CSMD1: variants seen among roughly 807,000 people sequenced by gnomAD.
CSMD1 encodes CUB and sushi domain-containing protein 1.
CSMD1 carries 213 observed loss-of-function variants against 417.5 expected under a neutral mutation model. The ratio of observed to expected loss-of-function variants is 0.51; its 90% CI spans 0.46 to 0.57. The LOEUF is 0.57. Ranked by LOEUF, CSMD1 falls within the 20% of genes least tolerant of loss-of-function variation. The probability of loss-of-function intolerance (pLI) is 0.00; values close to 1 mark genes in which losing one functional copy is unlikely to be tolerated. For missense variants in CSMD1, 6,923 were observed against 4,529.7 expected, an observed-to-expected ratio of 1.53 and a Z score of -15.17; for synonymous variants, 2,862 against 1,736.8, an observed-to-expected ratio of 1.65 and a Z score of -16.11.
At chr8:3,383,086 A>G (rs1810740911) in intron 18 of CSMD1, among the ~76,000 whole-genome samples, 1 of 119,874 alleles carries the variant, frequency 8.3e-6, no homozygotes, top group Non-Finnish European at 1.8e-5. Flanking sequence ...TCTGGACACT[A>G]CATCGTTCCT....
chr8:3,193,015 T>G (rs1796509117), intron 33 of CSMD1, among the ~76,000 whole-genome samples: 1 of 152,304 alleles, frequency 6.6e-6, no homozygotes, highest in South Asian at 2.1e-4. Context: ...TATTGCCAGT[T>G]TTTCTACTTA....
intron 3 of CSMD1, among the ~76,000 whole-genome samples, chr8:4,272,798 C>G (rs10503245): frequency 0.087 from 13,296 of 152,196 alleles, 705 homozygotes; most frequent in Non-Finnish European, 0.12. Flanking sequence ...GACCTTTACT[C>G]TAACTCACCA....
At chr8:4,733,409 G>C (rs541431939) in intron 1 of CSMD1, among the ~76,000 whole-genome samples, 2 of 152,136 alleles carry the variant, frequency 1.3e-5, no homozygotes, top group Non-Finnish European at 2.9e-5. Context: ...CCATATCTTG[G>C]AAAGAAGGAA....
rs147667534 is a variant in CSMD1, at chr8:4,243,489, G to C, written c.415+176464C>G. Among the ~76,000 whole-genome samples the C allele has an allele frequency of 7.1e-3, 1,080 of 152,172 alleles. 19 individuals carry two copies. Among genetic ancestry groups the C allele is most frequent in the African/African-American group, 0.025 (1,033 of 41,522 alleles). The stretch of plus-strand genomic sequence containing the variant: ...CTAGCCAGTATGTCTACTCAAAACA[G>C]AAACTTTCTAATTTTAAACAGCAGG... On this transcript the variant is annotated intron_variant, in intron 3 of 69. Transcript: ENST00000635120.
intron 25 of CSMD1, among the ~76,000 whole-genome samples, chr8:3,305,190 A>AT (rs1250014306): frequency 2.0e-5 from 3 of 152,148 alleles, no homozygotes; most frequent in Non-Finnish European, 4.4e-5. Context: ...TGGCCTATTT[A>AT]TTTCCATAGA....
chr8:3,044,257 G>A (rs1563273142), intron 50 of CSMD1, among the ~76,000 whole-genome samples: 1 of 152,182 alleles, frequency 6.6e-6, no homozygotes, highest in Non-Finnish European at 1.5e-5. Context: ...AATGCCAAAT[G>A]TTGGGTAAAG....
intron 10 of CSMD1, among the ~76,000 whole-genome samples, chr8:3,530,606 C>G (rs1797935817): frequency 6.6e-6 from 1 of 152,210 alleles, no homozygotes; most frequent in Admixed American, 6.5e-5. Context: ...ACAGCAACCT[C>G]TGCCTTCTGG....
At chr8:3,799,643 C>T (rs891571204) in intron 5 of CSMD1, among the ~76,000 whole-genome samples, 3 of 151,860 alleles carry the variant, frequency 2.0e-5, no homozygotes, top group Admixed American at 1.3e-4. Flanking sequence ...TGTAGCATTG[C>T]AGAAAACAAG....
intron 3 of CSMD1, among the ~76,000 whole-genome samples, chr8:4,179,107 C>G (rs557486081): frequency 6.6e-6 from 1 of 152,084 alleles, no homozygotes; most frequent in South Asian, 2.1e-4. Flanking sequence ...CAAAAAAGAG[C>G]CCGCATCGCC....
rs147537596 is a variant in CSMD1 at position 4,786,574 on chromosome 8, A to G, written c.86-149016T>C. Reference sequence around the variant, plus strand: ...CTTATATTTAGAGAGCATTTAAAATACAGCAGTGTGGCATTTGAGGCATCA... The same window carrying G: ...CTTATATTTAGAGAGCATTTAAAATGCAGCAGTGTGGCATTTGAGGCATCA... On this transcript the variant is annotated intron_variant, in intron 1 of 69. Coordinates refer to ENST00000635120, the MANE Select transcript of CSMD1 (RefSeq NM_033225.6). Among the ~76,000 whole-genome samples, 858 of 152,324 alleles carry G rather than the reference A, an allele frequency of 5.6e-3. 4 individuals carry two copies. Among genetic ancestry groups the G allele is most frequent in the Middle Eastern group, 0.017 (5 of 294 alleles).
rs1055017043 is a variant in CSMD1 at position 3,217,027 on chromosome 8, G to C, written c.4672+2228C>G. ...GCAATGGCATCATTTCTCCAGGCTA[G>C]ATGCAATGACATCACTGCCCTAGGC... On this transcript the variant is annotated intron_variant, in intron 29 of 69. Transcript: ENST00000635120. 6.6e-5 allele frequency among the ~76,000 whole-genome samples: 10 copies of C among 151,636 alleles called. No individual in the cohort carries two copies. In the East Asian group the frequency reaches 1.5e-3, roughly 23 times the overall value.
chr8:3,188,230 A>C (rs1483034494), intron 35 of CSMD1, among the ~76,000 whole-genome samples: 2 of 77,698 alleles, frequency 2.6e-5, no homozygotes, highest in Non-Finnish European at 2.5e-5. Flanking sequence ...ATCTATCTAT[A>C]TATACATGGC....
intron 3 of CSMD1, among the ~76,000 whole-genome samples, chr8:4,114,354 T>C (rs1563141131): frequency 6.6e-6 from 1 of 152,230 alleles, no homozygotes; most frequent in Non-Finnish European, 1.5e-5. Context: ...TAATGCAGTA[T>C]TTTAAGCCTA....
chr8:3,831,728 G>A (rs1320520630), intron 5 of CSMD1, among the ~76,000 whole-genome samples: 1 of 152,030 alleles, frequency 6.6e-6, no homozygotes, highest in African/African-American at 2.4e-5. Flanking sequence ...AAAAGAATAG[G>A]TTTCCAAATA....
At chr8:4,075,360 GA>G (rs1368953871) in intron 3 of CSMD1, among the ~76,000 whole-genome samples, 1 of 151,984 alleles carries the variant, frequency 6.6e-6, no homozygotes, top group African/African-American at 2.4e-5. Context: ...ATGAAGTGCT[GA>G]ATTTTTTTTT....
At chr8:3,160,380 C>G (rs1319438421) in intron 38 of CSMD1, among the ~76,000 whole-genome samples, 1 of 152,152 alleles carries the variant, frequency 6.6e-6, no homozygotes, top group East Asian at 1.9e-4. Context: ...ACTTTGGAAT[C>G]CCAAAGTGCT....
At chr8:3,578,820 A>G (rs1800261144) in intron 9 of CSMD1, among the ~76,000 whole-genome samples, 1 of 152,174 alleles carries the variant, frequency 6.6e-6, no homozygotes, top group Non-Finnish European at 1.5e-5. Flanking sequence ...CAGGCATTCA[A>G]TTAGTCAACG....
At position 2,974,682 on chromosome 8, in the gene CSMD1, G is replaced by A. The variant is rs185827255; in HGVS notation, c.8567-58C>T. Reference sequence around the variant, plus strand: ...CCTTCCAGTTAAACCACTTTGTATTGGAAAATCTCCCATACAGACACCCAT... The same window carrying A: ...CCTTCCAGTTAAACCACTTTGTATTAGAAAATCTCCCATACAGACACCCAT... On this transcript the variant is annotated intron_variant, in intron 55 of 69. Coordinates refer to ENST00000635120, the MANE Select transcript of CSMD1 (RefSeq NM_033225.6). The A allele has an allele frequency of 2.3e-5, 31 of 1,350,256 alleles. No individual in the cohort carries two copies. In the East Asian group the frequency reaches 6.9e-4, roughly 30 times the overall value. The allele number at this position is 1,350,256 out of a possible 1,614,324, so 83.6% of individuals were successfully genotyped here.
intron 8 of CSMD1, among the ~76,000 whole-genome samples, chr8:3,607,619 A>G (rs1280815051): frequency 6.6e-6 from 1 of 152,214 alleles, no homozygotes; most frequent in African/African-American, 2.4e-5. Context: ...CAGCTCCATT[A>G]AAATCTTAAG....
Sources: gnomAD v4.1 joint callset for allele counts (sites outside exome capture counted in the v4.1 genomes callset) on GRCh38, gnomAD v4.1.1 for gene constraint, MANE v1.5 for transcripts, NCBI Gene and HGNC (gene_info 2026-07-23, HGNC 2026-07-21) for gene names.